ARMC1: variants seen among roughly 807,000 people sequenced by gnomAD.
The protein encoded by ARMC1 is armadillo repeat-containing protein 1.
A neutral mutation model predicts 31.4 loss-of-function variants in ARMC1; 16 were observed. The observed-to-expected ratio is 0.51, with a 90% CI of 0.34 to 0.77. The LOEUF (loss-of-function observed/expected upper bound fraction) is 0.77. Among genes scored for constraint, ARMC1 ranks in the 30% least tolerant of loss-of-function variants. ARMC1 has a pLI of 0.01. For synonymous variants in ARMC1, 114 were observed against 118.9 expected, an observed-to-expected ratio of 0.96 and a Z score of 0.27; for missense variants, 259 against 347.5, an observed-to-expected ratio of 0.75 and a Z score of 2.02.
chr8:65,605,587 A>G, intron 4 of ARMC1, 49 bp from the exon 5 acceptor site: 1 of 1,343,824 alleles, frequency 7.4e-7, no homozygotes, highest in Non-Finnish European at 1.1e-6. Flanking sequence ...ATAAAAGGTA[A>G]TAAATCAGTG....
intron 1 of ARMC1, 25 bp from the exon 2 acceptor site, chr8:65,627,458 GT>G: frequency 7.2e-7 from 1 of 1,385,186 alleles, no homozygotes; most frequent in Non-Finnish European, 9.7e-7. Context: ...TGCAGAATTA[GT>G]TCTAGGCTGC....
intron 4 of ARMC1, 129 bp downstream of exon 4, chr8:65,613,115 T>A: frequency 1.6e-6 from 1 of 645,158 alleles, no homozygotes; most frequent in Non-Finnish European, 2.4e-6. Flanking sequence ...CTGACCTCTT[T>A]AGCACAAAAT....
chr8:65,623,012 T>TAA (rs772393999), intron 2 of ARMC1, among the ~76,000 whole-genome samples: 41 of 102,416 alleles, frequency 4.0e-4, no homozygotes, highest in Non-Finnish European at 7.6e-4. Flanking sequence ...CAAAAAAAAT[T>TAA]AAAAAAAAAA....
At chr8:65,626,819 G>C (rs921194445) in intron 2 of ARMC1, among the ~76,000 whole-genome samples, 1 of 152,208 alleles carries the variant, frequency 6.6e-6, no homozygotes, top group East Asian at 1.9e-4. Flanking sequence ...TCAGGAGTTT[G>C]AGCCTGGCCA....
intron 2 of ARMC1, among the ~76,000 whole-genome samples, chr8:65,624,498 CAAA>C (rs538324950): frequency 1.0e-5 from 1 of 95,406 alleles, no homozygotes; most frequent in Non-Finnish European, 2.1e-5. Context: ...GACTCCATCT[CAAA>C]AAAAAAAAAA....
chr8:65,619,785 A>G (rs1808352934), intron 3 of ARMC1, among the ~76,000 whole-genome samples: 1 of 151,814 alleles, frequency 6.6e-6, no homozygotes, highest in South Asian at 2.1e-4. Context: ...GGAGTTCAAA[A>G]TCAGCCTGGC....
intron 1 of ARMC1, 30 bp downstream of exon 1, chr8:65,633,968 C>G (rs1447500847): frequency 2.0e-5 from 3 of 152,488 alleles, no homozygotes; most frequent in Admixed American, 2.0e-4. Context: ...GGCTCCACTG[C>G]TTTGTCTGCC....
intron 1 of ARMC1, among the ~76,000 whole-genome samples, chr8:65,627,899 G>C (rs1808549384): frequency 6.6e-6 from 1 of 152,170 alleles, no homozygotes; most frequent in Non-Finnish European, 1.5e-5. Context: ...AGAATAAAAT[G>C]CCCTTGGAAA....
chr8:65,605,114 C>G (rs1807974521), intron 6 of ARMC1, 149 bp downstream of exon 6: 1 of 656,546 alleles, frequency 1.5e-6, no homozygotes, highest in Admixed American at 3.1e-5. Context: ...AAAGATCTCT[C>G]TATATTTCTA....
chr8:65,604,737 A>G, intron 6 of ARMC1, 152 bp from the exon 7 acceptor site: 1 of 647,470 alleles, frequency 1.5e-6, no homozygotes, highest in South Asian at 2.0e-5. Flanking sequence ...AGCAGAGTAC[A>G]AATAAGAACT....
At position 65,610,243 on chromosome 8, in the gene ARMC1, G is replaced by A. The variant is rs144154281; in HGVS notation, c.465+3001C>T. ...CTCCTGAGTAGCTGGGATTACAGGCGTGCACCACCACACCCTGCTTATTTT... is the reference window on the plus strand; with the variant it reads ...CTCCTGAGTAGCTGGGATTACAGGCATGCACCACCACACCCTGCTTATTTT... On this transcript the variant is annotated intron_variant, in intron 4 of 6. Coordinates refer to ENST00000276569, the MANE Select transcript of ARMC1 (RefSeq NM_018120.6). 9.8e-3 allele frequency among the ~76,000 whole-genome samples: 1,489 copies of A among 151,966 alleles called. 14 individuals carry two copies. The highest frequency in any genetic ancestry group is 0.012 in the Non-Finnish European group (826 of 67,976).
At chr8:65,610,192 G>C (rs1808102102) in intron 4 of ARMC1, among the ~76,000 whole-genome samples, 1 of 151,968 alleles carries the variant, frequency 6.6e-6, no homozygotes, top group African/African-American at 2.4e-5. Context: ...CCACCTCCCA[G>C]GTTCAAGCGA....
At chr8:65,623,786 CTTTTTTTTTTTTTTTTT>C (rs201008780) in intron 2 of ARMC1, among the ~76,000 whole-genome samples, 2,709 of 26,764 alleles carry the variant, frequency 0.1, 174 homozygotes, top group Middle Eastern at 0.23. Flanking sequence ...AAAGTAAAAT[CTTTTTTTTTTTTTTTTT>C]TTTTTTTTGG....
intron 3 of ARMC1, among the ~76,000 whole-genome samples, chr8:65,617,838 A>C (rs1029369480): frequency 1.8e-5 from 2 of 112,682 alleles, no homozygotes; most frequent in Non-Finnish European, 3.7e-5. Flanking sequence ...TAAAAGTTGA[A>C]ATTATTAAAA....
At chr8:65,624,200 T>C (rs1047659304) in intron 2 of ARMC1, among the ~76,000 whole-genome samples, 25 of 151,820 alleles carry the variant, frequency 1.6e-4, no homozygotes, top group Admixed American at 1.6e-3. Context: ...TGAAGGTAAA[T>C]ATAAAAGACC....
rs10718331 is a variant in ARMC1 at position 65,617,850 on chromosome 8, G to GA, written c.275+4412dup. ...AAATAAAAGTTGAAATTATTAAAAA[G>GA]AAAAAAAAAAAACTGTAACAGTAGT... On this transcript the variant is annotated intron_variant, in intron 3 of 6. Transcript: ENST00000276569. 1.8e-3 allele frequency among the ~76,000 whole-genome samples: 253 copies of GA among 143,106 alleles called. 1 individual carries two copies. The highest frequency in any genetic ancestry group is 2.9e-3 in the Non-Finnish European group (191 of 65,740). 93.9% of individuals were successfully genotyped at this position (143,106 alleles called of 152,430 possible).
At position 65,627,437 on chromosome 8, in the gene ARMC1, T is replaced by C. The variant is rs780436444; in HGVS notation, c.-35-4A>G. On this transcript the variant is annotated splice_region_variant and splice_polypyrimidine_tract_variant and intron_variant, in intron 1 of 6. Transcript: ENST00000276569. ...CACATGAATAAAATCTTAAATTCTG[T>C]AGAAAAGGTTTGCAGAATTAGTTCT... 35 of 1,486,614 alleles carry C rather than the reference T, an allele frequency of 2.4e-5. No individual in the cohort carries two copies. Among genetic ancestry groups the C allele is most frequent in the Non-Finnish European group, 2.9e-5 (32 of 1,111,690 alleles). The allele number at this position is 1,486,614 out of a possible 1,614,324, so 92.1% of individuals were successfully genotyped here.
chr8:65,624,278 C>T (rs1808465111), intron 2 of ARMC1, among the ~76,000 whole-genome samples: 1 of 151,594 alleles, frequency 6.6e-6, no homozygotes, highest in Non-Finnish European at 1.5e-5. Flanking sequence ...GGGGGCAGAT[C>T]ACCTGAACTC....
In ARMC1 at chr8:65,629,999, G is replaced by A. The variant is rs535217179; in HGVS notation, c.-35-2566C>T. 6.6e-5 allele frequency among the ~76,000 whole-genome samples: 10 copies of A among 151,844 alleles called. No individual in the cohort carries two copies. The South Asian group carries it at 2.1e-3, about 32-fold the overall frequency. On this transcript the variant is annotated intron_variant, in intron 1 of 6. Coordinates refer to ENST00000276569, the MANE Select transcript of ARMC1 (RefSeq NM_018120.6). Reference sequence around the variant, plus strand: ...ATCTCTACTAAAAATACAAAAATTAGCCGGGCATGGTGGCGCAAACCTGGA... The same window carrying A: ...ATCTCTACTAAAAATACAAAAATTAACCGGGCATGGTGGCGCAAACCTGGA...
Sources: gnomAD v4.1 joint callset for allele counts (sites outside exome capture counted in the v4.1 genomes callset) on GRCh38, gnomAD v4.1.1 for gene constraint, MANE v1.5 for transcripts, NCBI Gene and HGNC (gene_info 2026-07-23, HGNC 2026-07-21) for gene names.